Variants in CDC25C observed in about 807,000 individuals in gnomAD.
CDC25C encodes cell division cycle 25C.
In CDC25C, 48 loss-of-function variants were observed where a neutral mutation model predicts 52.5. That is an observed-to-expected ratio of 0.91 (90% CI 0.72 to 1.16). The LOEUF (loss-of-function observed/expected upper bound fraction) is 1.16, where lower values mean the gene tolerates loss of function less well. Among genes scored for constraint, CDC25C ranks in the 50% most tolerant of loss-of-function variants. CDC25C has a pLI of 0.00. For missense variants in CDC25C, 510 were observed against 566.1 expected, an observed-to-expected ratio of 0.90 and a Z score of 1.01; for synonymous variants, 187 against 206.5, an observed-to-expected ratio of 0.91 and a Z score of 0.81.
At chr5:138,333,687 G>C (rs971677171), upstream of CDC25C, 1 of 152,222 alleles carries the variant, frequency 6.6e-6, no homozygotes, top group Non-Finnish European at 1.5e-5. Flanking sequence ...AAAGCAGATA[G>C]ATTATGGCAA....
chr5:138,328,163 G>A (rs867361497), intron 4 of CDC25C, among the ~76,000 whole-genome samples: 3 of 152,076 alleles, frequency 2.0e-5, no homozygotes, highest in Admixed American at 6.6e-5. Context: ...CACCGTGTCC[G>A]GCCACTCTGT....
rs929265474 is a variant in CDC25C, at chr5:138,292,063, C to T, written c.669G>A (p.Arg223=). Residue 223 remains arginine (R), a synonymous_variant, in exon 8 of 14, where the codon AGG becomes AGA. Coordinates refer to ENST00000323760, the MANE Select transcript of CDC25C (RefSeq NM_001790.5). ...RSPSMPENLN[R]PRLKQVEKFK... Reference sequence around the variant, plus strand: ...ATTTTTCCACCTGCTTCAGTCTTGGCCTGTTCAAGTTCTCTGGCATCGACG... The same window carrying T: ...ATTTTTCCACCTGCTTCAGTCTTGGTCTGTTCAAGTTCTCTGGCATCGACG... 7 of 1,613,180 alleles carry T rather than the reference C, an allele frequency of 4.3e-6. No individual in the cohort carries two copies. The African/African-American group carries it at 8.0e-5, about 18-fold the overall frequency.
At chr5:138,322,349 G>C (rs947036995) in intron 6 of CDC25C, among the ~76,000 whole-genome samples, 1 of 151,988 alleles carries the variant, frequency 6.6e-6, no homozygotes, top group African/African-American at 2.4e-5. Context: ...GCCCAGGCTG[G>C]AGTGCAGTGG....
chr5:138,331,257 TC>T (rs1760361881), intron 1 of CDC25C, 39 bp from the exon 2 acceptor site: 3 of 1,363,218 alleles, frequency 2.2e-6, no homozygotes, highest in Non-Finnish European at 3.1e-6. Flanking sequence ...ACATCACAGT[TC>T]CCTCAGCTTT....
At chr5:138,306,298 T>C (rs770420693) in intron 7 of CDC25C, among the ~76,000 whole-genome samples, 4 of 152,074 alleles carry the variant, frequency 2.6e-5, no homozygotes, top group Non-Finnish European at 5.9e-5. Context: ...AGAATATAAA[T>C]TCTAGTCTGT....
intron 6 of CDC25C, 62 bp downstream of exon 6, chr5:138,325,753 C>A: frequency 8.7e-7 from 1 of 1,147,936 alleles, no homozygotes; most frequent in Non-Finnish European, 1.3e-6. Context: ...CATTATGATA[C>A]CAAGTTTCTT....
intron 7 of CDC25C, among the ~76,000 whole-genome samples, chr5:138,296,294 G>A (rs1757170427): frequency 6.6e-6 from 1 of 152,080 alleles, no homozygotes; most frequent in Admixed American, 6.6e-5. Context: ...GGAGTGCAGT[G>A]GCACGATCTC....
At chr5:138,306,559 T>C (rs1758015637) in intron 7 of CDC25C, among the ~76,000 whole-genome samples, 2 of 152,068 alleles carry the variant, frequency 1.3e-5, no homozygotes, top group African/African-American at 4.8e-5. Context: ...CCCTGCAACC[T>C]CCACCTCCCG....
intron 7 of CDC25C, among the ~76,000 whole-genome samples, chr5:138,312,778 G>A (rs1453490198): frequency 6.6e-6 from 1 of 152,134 alleles, no homozygotes; most frequent in Non-Finnish European, 1.5e-5. Context: ...ACAACAATGG[G>A]AATGTATGTA....
At chr5:138,330,129 G>A (rs891401137) in intron 2 of CDC25C, among the ~76,000 whole-genome samples, 1 of 152,006 alleles carries the variant, frequency 6.6e-6, no homozygotes, top group Non-Finnish European at 1.5e-5. Context: ...AGACTGGGCT[G>A]AGAAAAATCT....
At chr5:138,300,998 G>A (rs1031947035) in intron 7 of CDC25C, among the ~76,000 whole-genome samples, 1 of 152,152 alleles carries the variant, frequency 6.6e-6, no homozygotes, top group African/African-American at 2.4e-5. Flanking sequence ...TTTGTGAGAT[G>A]CAGCTAAAGT....
intron 8 of CDC25C, among the ~76,000 whole-genome samples, chr5:138,291,413 A>G (rs1166794097): frequency 6.8e-6 from 1 of 147,436 alleles, no homozygotes; most frequent in Admixed American, 6.8e-5. Context: ...TGATGACAAC[A>G]TTTCTCTTTT....
chr5:138,296,487 T>C (rs1192370235), intron 7 of CDC25C, among the ~76,000 whole-genome samples: 2 of 152,156 alleles, frequency 1.3e-5, no homozygotes, highest in East Asian at 1.9e-4. Context: ...CTCAGCTCAC[T>C]GCAACCTCTG....
In CDC25C at chr5:138,307,977, G is replaced by A. The variant is rs192676205; in HGVS notation, c.615+11242C>T. Among the ~76,000 whole-genome samples, 20 of 152,152 alleles carry A rather than the reference G, an allele frequency of 1.3e-4. No homozygotes were observed. The East Asian group carries it at 3.1e-3, about 23-fold the overall frequency. On this transcript the variant is annotated intron_variant, in intron 7 of 13. Coordinates refer to ENST00000323760, the MANE Select transcript of CDC25C (RefSeq NM_001790.5). The stretch of plus-strand genomic sequence containing the variant: ...GATTCTCAGATTCTCACAAGGAACC[G>A]GCAACCTAGATCCCTCGCATGCGCA...
chr5:138,291,881 A>G, intron 8 of CDC25C, 89 bp downstream of exon 8: 1 of 1,061,142 alleles, frequency 9.4e-7, no homozygotes, highest in Non-Finnish European at 1.3e-6. Flanking sequence ...GAAGAAGACA[A>G]AAAAGGCATA....
intron 4 of CDC25C, among the ~76,000 whole-genome samples, chr5:138,326,411 G>A (rs895049013): frequency 6.6e-6 from 1 of 151,614 alleles, no homozygotes; most frequent in Non-Finnish European, 1.5e-5. Flanking sequence ...GCACGACCTC[G>A]GCTCACAGCA....
intron 7 of CDC25C, among the ~76,000 whole-genome samples, chr5:138,309,209 C>T (rs1293588714): frequency 2.7e-5 from 4 of 146,306 alleles, no homozygotes; most frequent in African/African-American, 7.5e-5. Flanking sequence ...ATCAGGCTCT[C>T]AACAAACTGG....
intron 7 of CDC25C, among the ~76,000 whole-genome samples, chr5:138,311,882 T>C (rs1215549706): frequency 6.6e-6 from 1 of 151,978 alleles, no homozygotes; most frequent in East Asian, 1.9e-4. Flanking sequence ...AATTAAAAAA[T>C]GGGCAAAGGA....
chr5:138,288,211 G>A (rs564567237), intron 10 of CDC25C, among the ~76,000 whole-genome samples: 1 of 152,168 alleles, frequency 6.6e-6, no homozygotes, highest in South Asian at 2.1e-4. Flanking sequence ...GAGTAGCTGG[G>A]ATTACAGGCA....
Sources: allele counts gnomAD v4.1 joint callset (sites outside exome capture counted in the v4.1 genomes callset), GRCh38; gene constraint gnomAD v4.1.1; transcripts MANE v1.5; gene names NCBI Gene and HGNC (gene_info 2026-07-23, HGNC 2026-07-21).